The following KLHL12 variants were observed in gnomAD, a reference collection of about 807,000 sequenced individuals.
KLHL12 encodes kelch-like protein 12.
A neutral mutation model predicts 60.8 loss-of-function variants in KLHL12; 17 were observed. The observed-to-expected ratio is 0.28, with a 90% CI of 0.19 to 0.42. The LOEUF is 0.42. Among genes scored for constraint, KLHL12 ranks in the 10% least tolerant of loss-of-function variants. The pLI, the probability that KLHL12 is intolerant of heterozygous loss-of-function variation, is 1.00. For missense variants in KLHL12, 468 were observed against 722.3 expected, an observed-to-expected ratio of 0.65 and a Z score of 4.04; for synonymous variants, 220 against 250.9, an observed-to-expected ratio of 0.88 and a Z score of 1.16.
chr1:202,928,569 G>A, upstream of KLHL12: 2 of 1,297,406 alleles, frequency 1.5e-6, no homozygotes, highest in Non-Finnish European at 2.0e-6. Context: ...TGGCCTTTTC[G>A]GGCCGAACAA....
At chr1:202,927,068 C>A (rs1323204856) in intron 1 of KLHL12, 21 bp downstream of exon 1, 2 of 985,488 alleles carry the variant, frequency 2.0e-6, no homozygotes, top group Non-Finnish European at 2.4e-6. Flanking sequence ...GGCTGACTGC[C>A]ATCACTTCCG....
Position 202,911,166 on chromosome 1 carries a change from T to G in KLHL12, c.605A>C (p.Asn202Thr), listed in dbSNP as rs774193240. The change falls in exon 5 of 12, where the codon AAC becomes ACC. Residue 202 changes from asparagine (N) to threonine (T), a missense_variant. This residue lies in a region of KLHL12 where 339 missense variants were observed against 525.0 expected (regional missense o/e 0.65). Coordinates refer to ENST00000367261, the MANE Select transcript of KLHL12 (RefSeq NM_021633.4). ...SEEPVFEAVI[N>T]WVKHAKKERE... ...CTCTTTCTTGGCATGCTTCACCCAG[T>G]TGATGACAGCCTCAAAGACTGGCTC... The G allele has an allele frequency of 6.2e-7, 1 of 1,614,152 alleles. No individual in the cohort carries two copies. Among genetic ancestry groups the G allele is most frequent in the Admixed American group, 1.7e-5 (1 of 60,016 alleles).
intron 1 of KLHL12, among the ~76,000 whole-genome samples, chr1:202,925,421 C>T (rs944277573): frequency 1.3e-5 from 2 of 152,148 alleles, no homozygotes; most frequent in Non-Finnish European, 2.9e-5. Context: ...TCCTCTATCA[C>T]GGAGTGTCCC....
chr1:202,926,465 C>A (rs1446982083), intron 1 of KLHL12, among the ~76,000 whole-genome samples: 1 of 152,186 alleles, frequency 6.6e-6, no homozygotes, highest in Admixed American at 6.5e-5. Context: ...CTCTGCAAGA[C>A]CCATTTTACA....
rs977307104 is a variant in KLHL12 at position 202,895,784 on chromosome 1, T to C, written c.940-67A>G. 5.7e-6 allele frequency: 7 copies of C among 1,228,608 alleles called. No homozygotes were observed. Among genetic ancestry groups the C allele is most frequent in the African/African-American group, 1.5e-5 (1 of 67,490 alleles). 76.1% of individuals were successfully genotyped at this position (1,228,608 alleles called of 1,614,324 possible). A position where few individuals can be genotyped will look rare whatever the true frequency, so the allele number is the denominator to read the frequency against. ...GCAAGTTTTGGGCCTTACCTTTTGC[T>C]ATCTTCCCTGTTGTATCTGCACACC... On this transcript the variant is annotated intron_variant, in intron 7 of 11. Transcript: ENST00000367261. The surrounding 1 kb of genome is among the most constrained non-coding windows in gnomAD (Gnocchi z 4.2).
Position 202,893,277 on chromosome 1 carries a change from C to T in KLHL12, c.1542G>A (p.Gly514=), listed in dbSNP as rs372876948. 2.5e-6 allele frequency: 4 copies of T among 1,611,906 alleles called. No individual in the cohort carries two copies. Among genetic ancestry groups the T allele is most frequent in the East Asian group, 2.2e-5 (1 of 44,818 alleles). The change falls in exon 11 of 12, where the codon GGG becomes GGA. Residue 514 remains glycine (G), a synonymous_variant. Coordinates refer to ENST00000367261, the MANE Select transcript of KLHL12 (RefSeq NM_021633.4). The surrounding 1 kb of genome is among the most constrained non-coding windows in gnomAD (Gnocchi z 4.1). ...AGAGTCTCCCCCGAAGCACTGTGGCCCCTACATAGCATCGTGGAGTGGTCA... is the reference window on the plus strand; with the variant it reads ...AGAGTCTCCCCCGAAGCACTGTGGCTCCTACATAGCATCGTGGAGTGGTCA... The part of the protein sequence containing the change: ...TSMTTPRCYV[G]ATVLRGRLYA...
chr1:202,913,028 G>GT (rs1177706436), intron 4 of KLHL12, among the ~76,000 whole-genome samples: 1 of 150,028 alleles, frequency 6.7e-6, no homozygotes, highest in African/African-American at 2.5e-5. Flanking sequence ...ATTGCTAAAT[G>GT]TAATAGTCTG....
At chr1:202,927,323 G>A, upstream of KLHL12, 4 of 947,416 alleles carry the variant, frequency 4.2e-6, no homozygotes, top group Non-Finnish European at 5.0e-6. Flanking sequence ...TGAGGAGGTG[G>A]TGTCACGTGA....
chr1:202,927,511 C>T (rs115925312), upstream of KLHL12, among the ~76,000 whole-genome samples: 2 of 38,346 alleles, frequency 5.2e-5, no homozygotes, highest in East Asian at 1.6e-3. Flanking sequence ...GGCAAAACCC[C>T]GTTTCTACAA....
At chr1:202,913,887 T>C (rs115919082) in intron 4 of KLHL12, among the ~76,000 whole-genome samples, 1,900 of 152,314 alleles carry the variant, frequency 0.012, 37 homozygotes, top group African/African-American at 0.044. Flanking sequence ...CTCAGTTGCA[T>C]TAGCCACATT....
rs148595476 is a variant in KLHL12, at chr1:202,919,246, A to T, written c.349+509T>A. Among the ~76,000 whole-genome samples the T allele has an allele frequency of 1.2e-4, 19 of 152,282 alleles. No individual in the cohort carries two copies. In the East Asian group the frequency reaches 3.7e-3, roughly 29 times the overall value. ...GCTCTAATCTGGGTGACAGAGTGAGACTCTGTCTCAAAAACAAAACAAAAA... is the reference window on the plus strand; with the variant it reads ...GCTCTAATCTGGGTGACAGAGTGAGTCTCTGTCTCAAAAACAAAACAAAAA... On this transcript the variant is annotated intron_variant, in intron 3 of 11. Coordinates refer to ENST00000367261, the MANE Select transcript of KLHL12 (RefSeq NM_021633.4).
chr1:202,926,469 T>C (rs1214413814), intron 1 of KLHL12, among the ~76,000 whole-genome samples: 1 of 152,202 alleles, frequency 6.6e-6, no homozygotes, highest in African/African-American at 2.4e-5. Flanking sequence ...GCAAGACCCA[T>C]TTTACAGAAA....
intron 7 of KLHL12, among the ~76,000 whole-genome samples, chr1:202,896,148 A>G (rs1376818350): frequency 6.6e-6 from 1 of 152,196 alleles, no homozygotes; most frequent in Non-Finnish European, 1.5e-5. Flanking sequence ...AGAAATTACT[A>G]TTGTTCATTC....
At chr1:202,912,681 T>C (rs1462861253) in intron 4 of KLHL12, 32 of 1,285,442 alleles carry the variant, frequency 2.5e-5, no homozygotes, top group Non-Finnish European at 3.3e-5. Flanking sequence ...CCAAGGTGGC[T>C]ATGGTGGTTT....
intron 1 of KLHL12, 88 bp from the exon 2 acceptor site, chr1:202,925,295 A>G: frequency 1.4e-6 from 2 of 1,441,374 alleles, no homozygotes; most frequent in East Asian, 5.1e-5. Context: ...TAAGAACCTA[A>G]GAGGCTTCCT....
intron 6 of KLHL12, among the ~76,000 whole-genome samples, chr1:202,897,363 G>A (rs1282572113): frequency 6.7e-6 from 1 of 148,824 alleles, no homozygotes; most frequent in Non-Finnish European, 1.5e-5. Context: ...AGCCTCCCGA[G>A]TAGCTGGGAT....
At chr1:202,908,485 C>G (rs901376957) in intron 6 of KLHL12, among the ~76,000 whole-genome samples, 4 of 152,176 alleles carry the variant, frequency 2.6e-5, no homozygotes, top group Non-Finnish European at 4.4e-5. Context: ...CTGAAGCACA[C>G]AGAGGTTAAG....
At chr1:202,917,299 C>CA (rs1278294617) in intron 4 of KLHL12, among the ~76,000 whole-genome samples, 2 of 152,224 alleles carry the variant, frequency 1.3e-5, no homozygotes, top group Non-Finnish European at 2.9e-5. Flanking sequence ...ACTGCAGCCT[C>CA]AAACTCCCAG....
rs1422287126 is a variant in KLHL12, at chr1:202,912,365, A to C, written c.568-1162T>G. ...AAGTTAGGAAAGCCCTGTCAAAGTA[A>C]GAGATGGCTAGTGCTTCATCCAGCC... is the stretch of plus-strand genomic sequence containing the variant. On this transcript the variant is annotated intron_variant, in intron 4 of 11. Transcript: ENST00000367261. The C allele has an allele frequency of 6.3e-6, 5 of 792,992 alleles. No individual in the cohort carries two copies. In the African/African-American group the frequency reaches 8.4e-5, roughly 13 times the overall value. 49.1% of individuals were successfully genotyped at this position (792,992 alleles called of 1,614,324 possible). A position where few individuals can be genotyped will look rare whatever the true frequency, so the allele number is the denominator to read the frequency against.
Sources: gnomAD v4.1 joint callset for allele counts (sites outside exome capture counted in the v4.1 genomes callset) on GRCh38, gnomAD v4.1.1 for gene constraint, gnomAD v4.1.1 regional missense constraint, Gnocchi (gnomAD v3.1) non-coding constraint, MANE v1.5 for transcripts, NCBI Gene and HGNC (gene_info 2026-07-23, HGNC 2026-07-21) for gene names.